Variants in DCTN4 observed in about 807,000 individuals in gnomAD.
DCTN4 encodes the protein dynactin 4 (p62).
DCTN4 carries 23 observed loss-of-function variants against 62.7 expected under a neutral mutation model. That is an observed-to-expected ratio of 0.37 (90% CI 0.26 to 0.52). The LOEUF is 0.52. Among genes scored for constraint, DCTN4 ranks in the 20% least tolerant of loss-of-function variants. The pLI, the probability that DCTN4 is intolerant of heterozygous loss-of-function variation, is 0.92. For synonymous variants in DCTN4, 199 were observed against 202.1 expected (o/e 0.98, Z 0.13); for missense variants, 514 against 580.4 (o/e 0.89, Z 1.18).
chr5:150,726,426 G>A (rs1220877416), intron 8 of DCTN4, among the ~76,000 whole-genome samples: 1 of 152,038 alleles, frequency 6.6e-6, no homozygotes, highest in Admixed American at 6.6e-5. Context: ...AAACATATTA[G>A]TTTGTATAAA....
chr5:150,751,411 C>A (rs1752670997), intron 3 of DCTN4, among the ~76,000 whole-genome samples: 1 of 152,044 alleles, frequency 6.6e-6, no homozygotes, highest in Admixed American at 6.6e-5. Context: ...AACCAAAAAG[C>A]ATAAAACACT....
intron 9 of DCTN4, among the ~76,000 whole-genome samples, chr5:150,721,394 G>A (rs1378036704): frequency 6.6e-6 from 1 of 152,076 alleles, no homozygotes; most frequent in East Asian, 1.9e-4. Context: ...TGGTGATTTT[G>A]TTTCTACAGA....
At chr5:150,724,657 T>C (rs1426994076) in intron 8 of DCTN4, among the ~76,000 whole-genome samples, 1 of 152,232 alleles carries the variant, frequency 6.6e-6, no homozygotes, top group Non-Finnish European at 1.5e-5. Context: ...ATATAATCAC[T>C]TGACCTAGCA....
At chr5:150,732,720 A>G (rs1466152820) in intron 5 of DCTN4, among the ~76,000 whole-genome samples, 1 of 152,260 alleles carries the variant, frequency 6.6e-6, no homozygotes, top group Non-Finnish European at 1.5e-5. Flanking sequence ...GCAAGCACAC[A>G]GAAAACAAAC....
At chr5:150,716,890 G>C (rs1759778724) in intron 11 of DCTN4, among the ~76,000 whole-genome samples, 1 of 150,664 alleles carries the variant, frequency 6.6e-6, no homozygotes, top group Admixed American at 6.6e-5. Context: ...CTGCACTCCA[G>C]CCTGGCGACC....
chr5:150,746,698 T>C (rs1752444628), intron 3 of DCTN4, among the ~76,000 whole-genome samples: 1 of 152,188 alleles, frequency 6.6e-6, no homozygotes, highest in South Asian at 2.1e-4. Flanking sequence ...CACATGATTA[T>C]CTCAATAGAT....
intron 3 of DCTN4, 109 bp downstream of exon 3, chr5:150,753,370 T>C: frequency 1.1e-6 from 1 of 920,232 alleles, no homozygotes; most frequent in Non-Finnish European, 1.6e-6. Flanking sequence ...TGACAAAATA[T>C]TCTGAATTTA....
At chr5:150,755,101 G>C (rs903435275) in intron 2 of DCTN4, among the ~76,000 whole-genome samples, 1 of 152,144 alleles carries the variant, frequency 6.6e-6, no homozygotes, top group African/African-American at 2.4e-5. Context: ...AAGGGATCTA[G>C]GAGTCAACTG....
chr5:150,739,830 G>A (rs565155396), intron 4 of DCTN4, among the ~76,000 whole-genome samples: 33 of 152,274 alleles, frequency 2.2e-4, no homozygotes, highest in African/African-American at 7.7e-4. Flanking sequence ...ACTGGGGAAA[G>A]GACATCCTAT....
At chr5:150,731,250 A>C in intron 6 of DCTN4, 94 bp from the exon 7 acceptor site, 1 of 995,392 alleles carries the variant, frequency 1.0e-6, no homozygotes, top group South Asian at 1.4e-5. Context: ...CAATAATTGA[A>C]GTATTCCTCT....
At position 150,724,096 on chromosome 5, in the gene DCTN4, G is replaced by C. The variant is rs139636651; in HGVS notation, c.835-1116C>G. Among the ~76,000 whole-genome samples the C allele has an allele frequency of 2.5e-3, 377 of 152,228 alleles. 7 individuals carry two copies. The highest frequency in any genetic ancestry group is 0.017 in the Middle Eastern group (5 of 294). On this transcript the variant is annotated intron_variant, in intron 8 of 12. Coordinates refer to ENST00000447998, the MANE Select transcript of DCTN4 (RefSeq NM_016221.4). ...AGTAGATCAAAGGGTGTATGCATTTGCTATTTTAATGGATACTGAAATATA... is the reference window on the plus strand; with the variant it reads ...AGTAGATCAAAGGGTGTATGCATTTCCTATTTTAATGGATACTGAAATATA...
chr5:150,749,841 A>C (rs1752609732), intron 3 of DCTN4, among the ~76,000 whole-genome samples: 2 of 152,216 alleles, frequency 1.3e-5, no homozygotes, highest in Non-Finnish European at 2.9e-5. Context: ...AAAACAATCC[A>C]AATGTTCAAG....
At chr5:150,742,354 T>C (rs1760798825) in intron 3 of DCTN4, among the ~76,000 whole-genome samples, 197 bp from the exon 4 acceptor site, 1 of 152,344 alleles carries the variant, frequency 6.6e-6, no homozygotes, top group Non-Finnish European at 1.5e-5. Context: ...CAATCACCAA[T>C]GCACAGCCAC....
chr5:150,732,188 C>T (rs1187651792), intron 5 of DCTN4, among the ~76,000 whole-genome samples: 1 of 152,182 alleles, frequency 6.6e-6, no homozygotes, highest in Non-Finnish European at 1.5e-5. Flanking sequence ...CTCACTCCGT[C>T]ACCCAGGCTG....
At chr5:150,716,633 G>A (rs557448732) in intron 11 of DCTN4, among the ~76,000 whole-genome samples, 2 of 152,184 alleles carry the variant, frequency 1.3e-5, no homozygotes, top group South Asian at 4.1e-4. Context: ...AATAAAAAAA[G>A]GAACGTCAGG....
At chr5:150,733,542 C>T in intron 4 of DCTN4, 67 bp from the exon 5 acceptor site, 2 of 1,132,246 alleles carry the variant, frequency 1.8e-6, no homozygotes, top group Non-Finnish European at 2.6e-6. Flanking sequence ...TAATCAACTA[C>T]ACTGACTAGA....
rs899723135 is a variant in DCTN4, at chr5:150,748,128, A to T, written c.385+5351T>A. Among the ~76,000 whole-genome samples the T allele has an allele frequency of 1.1e-3, 163 of 152,352 alleles. 1 individual carries two copies. Among genetic ancestry groups the T allele is most frequent in the Middle Eastern group, 3.4e-3 (1 of 294 alleles). On this transcript the variant is annotated intron_variant, in intron 3 of 12. Transcript: ENST00000447998. Reference sequence around the variant, plus strand: ...AACCTCATCAAAAAGTGGGCAAAGGATATCAACAGACACTTCTCAAAAGAA... The same window carrying T: ...AACCTCATCAAAAAGTGGGCAAAGGTTATCAACAGACACTTCTCAAAAGAA...
At chr5:150,737,754 A>C (rs575664081) in intron 4 of DCTN4, among the ~76,000 whole-genome samples, 4 of 152,206 alleles carry the variant, frequency 2.6e-5, no homozygotes, top group Non-Finnish European at 5.9e-5. Context: ...GCAGAAGAAA[A>C]GAAATAACAA....
At chr5:150,745,305 C>T (rs566837748) in intron 3 of DCTN4, among the ~76,000 whole-genome samples, 13 of 151,006 alleles carry the variant, frequency 8.6e-5, no homozygotes, top group African/African-American at 2.7e-4. Context: ...TCCTGAGTGA[C>T]CTACAAAGAG....
Sources: allele counts gnomAD v4.1 joint callset (sites outside exome capture counted in the v4.1 genomes callset), GRCh38; gene constraint gnomAD v4.1.1; transcripts MANE v1.5; gene names NCBI Gene and HGNC (gene_info 2026-07-23, HGNC 2026-07-21).